GNL3L: variants seen among roughly 807,000 people sequenced by gnomAD.
GNL3L encodes the protein G protein nucleolar 3 like, also known as guanine nucleotide-binding protein-like 3-like protein.
In GNL3L, 4 loss-of-function variants were observed where a neutral mutation model predicts 42.9. That is an observed-to-expected ratio of 0.09 (90% CI 0.05 to 0.21). The LOEUF (loss-of-function observed/expected upper bound fraction) is 0.21, where lower values mean the gene tolerates loss of function less well. GNL3L is among the 10% of genes least tolerant of loss of function. The probability of loss-of-function intolerance (pLI) is 1.00; values close to 1 mark genes in which losing one functional copy is unlikely to be tolerated. For synonymous variants in GNL3L, 159 were observed against 176.3 expected, an observed-to-expected ratio of 0.90 and a Z score of 0.78; for missense variants, 412 against 481.7, an observed-to-expected ratio of 0.86 and a Z score of 1.36.
chrX:54,629,805 T>C, the GNL3L span, among the ~76,000 whole-genome samples: 2 of 111,982 alleles, frequency 1.8e-5, no homozygotes, highest in Non-Finnish European at 3.8e-5. Flanking sequence ...TCCTTTACTC[T>C]ATCTTTTGCA....
chrX:54,625,366 T>C (rs900727164), downstream of GNL3L, among the ~76,000 whole-genome samples: 8 of 110,166 alleles, frequency 7.3e-5, no homozygotes, highest in Admixed American at 1.9e-4. Context: ...TGAGAGTTTT[T>C]ATCATGATAG....
intron 16 of GNL3L, among the ~76,000 whole-genome samples, chrX:54,588,423 C>T (rs1162151824): frequency 8.9e-6 from 1 of 112,346 alleles, no homozygotes; most frequent in Admixed American, 9.4e-5. Flanking sequence ...AATTCTCATT[C>T]ATAGGTATTC....
At chrX:54,582,409 A>G (rs1432342462) in intron 16 of GNL3L, among the ~76,000 whole-genome samples, 1 of 111,904 alleles carries the variant, frequency 8.9e-6, no homozygotes, top group East Asian at 2.8e-4. Context: ...AGCCTCAGGT[A>G]TTCCTTTATA....
At chrX:54,554,512 G>C (rs763830854) in intron 13 of GNL3L, 53 bp from the exon 14 acceptor site, 3 of 1,176,148 alleles carry the variant, frequency 2.6e-6, no homozygotes, top group South Asian at 3.6e-5. Context: ...TGACCAGGGG[G>C]CTGGCAACAG....
At chrX:54,599,266 T>A (rs754547656) in intron 16 of GNL3L, among the ~76,000 whole-genome samples, 15 of 111,868 alleles carry the variant, frequency 1.3e-4, no homozygotes, top group African/African-American at 4.5e-4. Context: ...AGTGAAATTA[T>A]CCTCCCAAAG....
chrX:54,552,581 C>T (rs1319346578), intron 13 of GNL3L, among the ~76,000 whole-genome samples, 153 bp downstream of exon 13: 1 of 111,683 alleles, frequency 9.0e-6, no homozygotes, highest in Non-Finnish European at 1.9e-5. Flanking sequence ...TCTTTTCTTG[C>T]AAGGTGGGGA....
intron 16 of GNL3L, among the ~76,000 whole-genome samples, chrX:54,604,416 T>C (rs1926035653): frequency 9.0e-6 from 1 of 111,691 alleles, no homozygotes; most frequent in African/African-American, 3.3e-5. Flanking sequence ...TGTGGGCTGA[T>C]AGGTGCTCTA....
Position 54,587,684 on chromosome X carries a change from T to A in GNL3L, c.*45+27037T>A, listed in dbSNP as rs1300461498. Among the ~76,000 whole-genome samples, 3 of 109,054 alleles carry A rather than the reference T, an allele frequency of 2.8e-5. No homozygotes were observed. In the East Asian group the frequency reaches 8.6e-4, roughly 31 times the overall value. The allele number at this position is 109,054 out of a possible 115,157, so 94.7% of individuals were successfully genotyped here. On this transcript the variant is annotated intron_variant, in intron 16 of 16. Transcript: ENST00000674498. ...AATTGTAATAGGGTGTTTTTTTTTT[T>A]TTCTTTTTTCTTTTTAGACGGAGTC...
intron 16 of GNL3L, among the ~76,000 whole-genome samples, chrX:54,596,544 A>G (rs147399269): frequency 8.9e-6 from 1 of 111,797 alleles, no homozygotes; most frequent in African/African-American, 3.2e-5. Context: ...GTTTACTGTA[A>G]ACACTCTCTG....
chrX:54,637,261 A>G, the GNL3L span, among the ~76,000 whole-genome samples: 1 of 111,109 alleles, frequency 9.0e-6, no homozygotes, highest in Non-Finnish European at 1.9e-5. Context: ...TGTACATATT[A>G]TGACCCCGAA....
chrX:54,590,067 G>A (rs952334586), intron 16 of GNL3L, among the ~76,000 whole-genome samples: 3 of 110,911 alleles, frequency 2.7e-5, no homozygotes, highest in Non-Finnish European at 5.7e-5. Flanking sequence ...AGCCTCCCGA[G>A]TAGCTGGGAT....
chrX:54,571,145 C>T (rs1374586312), downstream of GNL3L, among the ~76,000 whole-genome samples: 4 of 109,627 alleles, frequency 3.6e-5, no homozygotes, highest in Non-Finnish European at 7.6e-5. Flanking sequence ...ACCTCAAAAG[C>T]ATTGTTTCAT....
chrX:54,584,775 A>G (rs1247509399), intron 16 of GNL3L, among the ~76,000 whole-genome samples: 1 of 112,350 alleles, frequency 8.9e-6, no homozygotes, highest in Non-Finnish European at 1.9e-5. Context: ...TGTTTTTCAT[A>G]ATGGCTTTAC....
intron 16 of GNL3L, among the ~76,000 whole-genome samples, chrX:54,573,257 T>C (rs1925584113): frequency 8.8e-6 from 1 of 113,143 alleles, no homozygotes; most frequent in South Asian, 3.5e-4. Flanking sequence ...CTGGGCGCCA[T>C]TGAGCACTGA....
chrX:54,594,087 G>A (rs1925901981), intron 16 of GNL3L, among the ~76,000 whole-genome samples: 1 of 111,671 alleles, frequency 9.0e-6, no homozygotes, highest in African/African-American at 3.2e-5. Context: ...GCAGTCACTG[G>A]ATGAAATGTT....
chrX:54,617,839 C>T (rs2147538536), intron 16 of GNL3L, among the ~76,000 whole-genome samples: 1 of 111,436 alleles, frequency 9.0e-6, no homozygotes, highest in East Asian at 2.8e-4. Flanking sequence ...TCTACACCTT[C>T]GGACCTGTAA....
downstream of GNL3L, among the ~76,000 whole-genome samples, chrX:54,622,118 G>A (rs376871040): frequency 1.8e-5 from 2 of 110,193 alleles, no homozygotes; most frequent in African/African-American, 6.6e-5. Context: ...TAATAGATAC[G>A]TAGTGATTTG....
intron 16 of GNL3L, among the ~76,000 whole-genome samples, chrX:54,607,082 C>CTTCTTTCTTTCTTTCTTTCTTTCT (rs751343853): frequency 1.0e-3 from 23 of 21,983 alleles, no homozygotes; most frequent in South Asian, 6.0e-3. Flanking sequence ...CTCTTTCTTT[C>CTTCTTTCTTTCTTTCTTTCTTTCT]TTCTTTCTTT....
intron 16 of GNL3L, among the ~76,000 whole-genome samples, chrX:54,574,507 C>T (rs780397897): frequency 4.5e-5 from 5 of 112,034 alleles, no homozygotes; most frequent in Non-Finnish European, 9.4e-5. Flanking sequence ...GTGTATAATA[C>T]GTTTCATATG....
Sources: gnomAD v4.1 joint callset for allele counts (sites outside exome capture counted in the v4.1 genomes callset) on GRCh38, gnomAD v4.1.1 for gene constraint, MANE v1.5 for transcripts, NCBI Gene and HGNC (gene_info 2026-07-23, HGNC 2026-07-21) for gene names.